CDYL: variants seen among roughly 807,000 people sequenced by gnomAD.
The protein encoded by CDYL is chromodomain Y like.
CDYL carries 8 observed loss-of-function variants against 47.3 expected under a neutral mutation model. The observed-to-expected ratio is 0.17, with a 90% CI of 0.10 to 0.31. The LOEUF is 0.31. CDYL is among the 10% of genes least tolerant of loss of function. The pLI, the probability that CDYL is intolerant of heterozygous loss-of-function variation, is 1.00. For synonymous variants in CDYL, 266 were observed against 265.0 expected (o/e 1.00, Z -0.04); for missense variants, 471 against 701.4 (o/e 0.67, Z 3.71).
intron 2 of CDYL, among the ~76,000 whole-genome samples, chr6:4,897,755 A>G (rs562283911): frequency 0.029 from 194 of 6,694 alleles, no homozygotes; most frequent in Admixed American, 0.032. Flanking sequence ...CCATCTTCAT[A>G]AAAATAACTA....
chr6:4,918,088 G>T (rs1581263084), intron 2 of CDYL, among the ~76,000 whole-genome samples: 2 of 152,166 alleles, frequency 1.3e-5, no homozygotes, highest in African/African-American at 4.8e-5. Flanking sequence ...TTGATCAGTT[G>T]TCTTATGAAA....
chr6:4,914,205 C>CTT (rs11373981), intron 2 of CDYL, among the ~76,000 whole-genome samples: 1,630 of 137,280 alleles, frequency 0.012, 39 homozygotes, highest in African/African-American at 0.037. Context: ...TGAAAGAGTT[C>CTT]TTTTTTTTTT....
intron 2 of CDYL, chr6:4,715,943 C>A (rs1283229389): frequency 6.4e-7 from 1 of 1,565,472 alleles, no homozygotes; most frequent in Non-Finnish European, 8.7e-7. Context: ...AGAGAGGCCC[C>A]TTTTATTTAA....
At chr6:4,860,592 CAT>C (rs1252060880) in intron 1 of CDYL, among the ~76,000 whole-genome samples, 1 of 143,314 alleles carries the variant, frequency 7.0e-6, no homozygotes, top group Admixed American at 6.9e-5. Context: ...GTATAATATA[CAT>C]ATATATCATA....
chr6:4,735,855 C>A (rs1400617705), intron 3 of CDYL, among the ~76,000 whole-genome samples: 1 of 152,202 alleles, frequency 6.6e-6, no homozygotes, highest in Non-Finnish European at 1.5e-5. Context: ...TATCCATCAT[C>A]TCCAAAAGGT....
At chr6:4,748,897 G>A (rs1225110151) in intron 3 of CDYL, among the ~76,000 whole-genome samples, 1 of 152,132 alleles carries the variant, frequency 6.6e-6, no homozygotes, top group Non-Finnish European at 1.5e-5. Flanking sequence ...TTTAACAGCA[G>A]AGAAGTAAAC....
At chr6:4,889,850 C>G (rs1761993790) in intron 1 of CDYL, 1 of 453,624 alleles carries the variant, frequency 2.2e-6, no homozygotes, top group African/African-American at 2.1e-5. Context: ...AAAAACGGAG[C>G]ACACACCTAC....
intron 1 of CDYL, among the ~76,000 whole-genome samples, chr6:4,715,090 C>T (rs1352263758): frequency 2.0e-5 from 3 of 152,182 alleles, no homozygotes; most frequent in South Asian, 2.1e-4. Flanking sequence ...ATAGGCACGC[C>T]CAACCACTCG....
intron 1 of CDYL, among the ~76,000 whole-genome samples, chr6:4,839,200 G>T (rs1314023685): frequency 6.6e-6 from 1 of 152,052 alleles, no homozygotes; most frequent in Admixed American, 6.5e-5. Context: ...TTTCATGTTT[G>T]TTGGCCATTT....
chr6:4,894,057 T>C (rs1762127707), intron 2 of CDYL, among the ~76,000 whole-genome samples: 1 of 152,202 alleles, frequency 6.6e-6, no homozygotes, highest in Non-Finnish European at 1.5e-5. Context: ...CTTCCTATAT[T>C]GTTTGACCTC....
intron 1 of CDYL, among the ~76,000 whole-genome samples, chr6:4,819,162 C>CTCTCTCTCTCTCTGTGTGTGTG (rs1016051589): frequency 8.0e-5 from 9 of 111,996 alleles, no homozygotes; most frequent in African/African-American, 4.3e-4. Flanking sequence ...CTCTCTCTCT[C>CTCTCTCTCTCTCTGTGTGTGTG]TGTGTGTGTG....
At chr6:4,891,677 AT>A (rs776094407) in intron 1 of CDYL, 35 bp from the exon 2 acceptor site, 5 of 1,530,708 alleles carry the variant, frequency 3.3e-6, no homozygotes, top group Admixed American at 4.3e-5. Context: ...CCAAATTTTG[AT>A]TTTTTTAAAA....
intron 1 of CDYL, among the ~76,000 whole-genome samples, chr6:4,857,429 C>T (rs1220424052): frequency 1.3e-5 from 2 of 152,168 alleles, no homozygotes; most frequent in African/African-American, 4.8e-5. Flanking sequence ...GACTTCCCTT[C>T]GTGGGGCAAA....
chr6:4,855,684 G>GT (rs1217183638), intron 1 of CDYL, among the ~76,000 whole-genome samples: 1 of 152,136 alleles, frequency 6.6e-6, no homozygotes. Flanking sequence ...TGAAAATGTA[G>GT]TTTACATCAC....
intron 2 of CDYL, chr6:4,724,318 T>G (rs969455486): frequency 6.6e-6 from 1 of 152,122 alleles, no homozygotes; most frequent in African/African-American, 2.4e-5. Flanking sequence ...CCCAACGTGA[T>G]GGGATTATAG....
At chr6:4,926,810 T>C (rs1362400742) in intron 2 of CDYL, among the ~76,000 whole-genome samples, 7 of 91,206 alleles carry the variant, frequency 7.7e-5, no homozygotes, top group Non-Finnish European at 2.6e-5. Flanking sequence ...CCCCTTCTGT[T>C]ATCTTTCATT....
intron 1 of CDYL, among the ~76,000 whole-genome samples, chr6:4,876,617 T>C (rs1388994587): frequency 6.6e-6 from 1 of 152,232 alleles, no homozygotes; most frequent in Non-Finnish European, 1.5e-5. Context: ...AAGTAAAATA[T>C]TCAGCACTTT....
At chr6:4,727,730 T>C (rs1238459651) in intron 2 of CDYL, among the ~76,000 whole-genome samples, 1 of 152,066 alleles carries the variant, frequency 6.6e-6, no homozygotes, top group African/African-American at 2.4e-5. Flanking sequence ...CCCTTTGGGG[T>C]GGGATGCCAC....
chr6:4,879,062 A>G (rs967672843), intron 1 of CDYL, among the ~76,000 whole-genome samples: 12 of 152,122 alleles, frequency 7.9e-5, no homozygotes, highest in African/African-American at 2.7e-4. Context: ...AACCTGTAAG[A>G]TATTCCATTC....
Sources: gnomAD v4.1 joint callset for allele counts (sites outside exome capture counted in the v4.1 genomes callset) on GRCh38, gnomAD v4.1.1 for gene constraint, MANE v1.5 for transcripts, NCBI Gene and HGNC (gene_info 2026-07-23, HGNC 2026-07-21) for gene names.